PCDH7: variants seen among roughly 807,000 people sequenced by gnomAD.
The protein encoded by PCDH7 is protocadherin-7.
PCDH7 carries 17 observed loss-of-function variants against 58.9 expected under a neutral mutation model. The observed-to-expected ratio is 0.29, with a 90% CI of 0.20 to 0.43. PCDH7 has a LOEUF of 0.43. Among genes scored for constraint, PCDH7 ranks in the 20% least tolerant of loss-of-function variants. PCDH7 has a pLI of 1.00. For synonymous variants in PCDH7, 664 were observed against 616.4 expected (o/e 1.08, Z -1.14); for missense variants, 1,274 against 1,441.0 (o/e 0.88, Z 1.88).
intron 1 of PCDH7, among the ~76,000 whole-genome samples, chr4:30,836,214 A>G (rs1396032339): frequency 6.6e-6 from 1 of 152,196 alleles, no homozygotes; most frequent in Non-Finnish European, 1.5e-5. Flanking sequence ...TTTATAAGGC[A>G]TTATGAGTGG....
intron 1 of PCDH7, among the ~76,000 whole-genome samples, chr4:30,891,907 G>A (rs1467118075): frequency 1.3e-5 from 2 of 151,682 alleles, no homozygotes; most frequent in Non-Finnish European, 2.9e-5. Context: ...ATTTGGTAAG[G>A]GGATCGTGTT....
chr4:30,902,432 T>C (rs1374032848), intron 1 of PCDH7, among the ~76,000 whole-genome samples: 2 of 152,166 alleles, frequency 1.3e-5, no homozygotes, highest in African/African-American at 4.8e-5. Context: ...GCCGACACTA[T>C]CTTGTTCCTT....
At chr4:30,998,376 G>A (rs1249168873) in intron 3 of PCDH7, among the ~76,000 whole-genome samples, 1 of 152,262 alleles carries the variant, frequency 6.6e-6, no homozygotes, top group East Asian at 1.9e-4. Context: ...GATAAGTTGA[G>A]GAATGGAGGG....
chr4:31,092,662 G>A (rs1269790655), intron 3 of PCDH7, among the ~76,000 whole-genome samples: 1 of 151,972 alleles, frequency 6.6e-6, no homozygotes, highest in African/African-American at 2.4e-5. Flanking sequence ...ACCTATAGAT[G>A]CAATTTAAGA....
chr4:30,992,386 T>C (rs1219566302), intron 3 of PCDH7, among the ~76,000 whole-genome samples: 1 of 152,318 alleles, frequency 6.6e-6, no homozygotes, highest in South Asian at 2.1e-4. Flanking sequence ...TATGAGATGA[T>C]CTTACAGGGT....
chr4:30,725,923 G>A (rs1714552445), intron 1 of PCDH7, among the ~76,000 whole-genome samples: 1 of 152,000 alleles, frequency 6.6e-6, no homozygotes, highest in African/African-American at 2.4e-5. Context: ...TTCAGATAAG[G>A]AGAAACAGTC....
At chr4:30,898,938 T>C (rs1307777080) in intron 1 of PCDH7, among the ~76,000 whole-genome samples, 2 of 152,052 alleles carry the variant, frequency 1.3e-5, no homozygotes, top group African/African-American at 4.8e-5. Flanking sequence ...CATACTGTGA[T>C]TGAGACCTAG....
chr4:31,138,528 T>C (rs1456907931), intron 3 of PCDH7, among the ~76,000 whole-genome samples: 1 of 152,176 alleles, frequency 6.6e-6, no homozygotes, highest in Non-Finnish European at 1.5e-5. Flanking sequence ...AAACAGTAAA[T>C]TGAAAGTCAA....
downstream of PCDH7, among the ~76,000 whole-genome samples, chr4:30,736,801 G>A (rs1325970557): frequency 6.6e-6 from 1 of 152,062 alleles, no homozygotes; most frequent in Admixed American, 6.6e-5. Context: ...CTCCCAAAGT[G>A]CTGGGATTAC....
chr4:30,989,798 C>CA (rs1283541739), intron 3 of PCDH7, among the ~76,000 whole-genome samples: 7 of 151,936 alleles, frequency 4.6e-5, no homozygotes, highest in Non-Finnish European at 7.4e-5. Flanking sequence ...CCTTCCCCAC[C>CA]AAAAAATGTA....
intron 3 of PCDH7, among the ~76,000 whole-genome samples, chr4:30,959,292 T>C (rs1226359748): frequency 1.3e-5 from 2 of 151,944 alleles, no homozygotes; most frequent in East Asian, 3.9e-4. Context: ...AAGTGCAAAA[T>C]TTCAGAGTAG....
At chr4:30,885,986 G>T (rs1737685373) in intron 1 of PCDH7, among the ~76,000 whole-genome samples, 1 of 151,516 alleles carries the variant, frequency 6.6e-6, no homozygotes. Context: ...ATGGATTAAA[G>T]ACTTAAACGT....
At chr4:31,113,278 A>G (rs988314383) in intron 3 of PCDH7, among the ~76,000 whole-genome samples, 1 of 152,152 alleles carries the variant, frequency 6.6e-6, no homozygotes, top group Non-Finnish European at 1.5e-5. Flanking sequence ...TTTAGCACCC[A>G]CCAACATCAA....
intron 3 of PCDH7, among the ~76,000 whole-genome samples, chr4:31,036,568 G>C (rs1463386188): frequency 6.6e-6 from 1 of 152,104 alleles, no homozygotes; most frequent in African/African-American, 2.4e-5. Flanking sequence ...TACATGTGAG[G>C]TCAACTTGGC....
At chr4:30,831,650 A>G (rs1343220316) in intron 1 of PCDH7, among the ~76,000 whole-genome samples, 1 of 152,124 alleles carries the variant, frequency 6.6e-6, no homozygotes, top group Non-Finnish European at 1.5e-5. Context: ...ACCCTCTCTC[A>G]TCAGGCTAAC....
At chr4:30,999,953 C>CA in intron 3 of PCDH7, among the ~76,000 whole-genome samples, 1 of 152,230 alleles carries the variant, frequency 6.6e-6, no homozygotes, top group Non-Finnish European at 1.5e-5. Flanking sequence ...AACCCTAGAG[C>CA]AACAAACATG....
downstream of PCDH7, chr4:31,143,938 T>A (rs1358391650): frequency 6.6e-6 from 1 of 152,164 alleles, no homozygotes; most frequent in Non-Finnish European, 1.5e-5. Flanking sequence ...CAAGTTTAGT[T>A]TCAGGTAATA....
At chr4:30,930,193 G>A (rs575287265) in intron 2 of PCDH7, among the ~76,000 whole-genome samples, 12 of 152,254 alleles carry the variant, frequency 7.9e-5, no homozygotes, top group Admixed American at 1.3e-4. Context: ...AATCATAGCC[G>A]TGGTTTGAAG....
At chr4:30,967,548 C>T (rs976970750) in intron 3 of PCDH7, among the ~76,000 whole-genome samples, 20 of 152,042 alleles carry the variant, frequency 1.3e-4, no homozygotes, top group East Asian at 3.9e-4. Context: ...AACTGAAGTG[C>T]GCTCTCAACA....
Sources: gnomAD v4.1 joint callset for allele counts (sites outside exome capture counted in the v4.1 genomes callset) on GRCh38, gnomAD v4.1.1 for gene constraint, MANE v1.5 for transcripts, NCBI Gene and HGNC (gene_info 2026-07-23, HGNC 2026-07-21) for gene names.